TRA2A: variants seen among roughly 807,000 people sequenced by gnomAD.
The protein encoded by TRA2A is transformer-2 protein homolog alpha.
In TRA2A, 31 loss-of-function variants were observed where a neutral mutation model predicts 45.7. The ratio of observed to expected loss-of-function variants is 0.68; its 90% confidence interval spans 0.51 to 0.92. The LOEUF (loss-of-function observed/expected upper bound fraction) is 0.92. Ranked by LOEUF, TRA2A falls within the 40% of genes least tolerant of loss-of-function variation. TRA2A has a pLI of 0.00. For synonymous variants in TRA2A, 132 were observed against 126.2 expected (o/e 1.05, Z -0.31); for missense variants, 304 against 367.5 (o/e 0.83, Z 1.41).
At chr7:23,531,611 T>C (rs1210703005) in intron 1 of TRA2A, 178 bp downstream of exon 1, 33 of 645,792 alleles carry the variant, frequency 5.1e-5, no homozygotes, top group Non-Finnish European at 2.7e-5. Flanking sequence ...GTGTTATCCG[T>C]GGTGTTTGGG....
Position 23,506,310 on chromosome 7 carries a change from T to A in TRA2A, c.642-44A>T, listed in dbSNP as rs1420887410. Reference sequence around the variant, plus strand: ...ATTCTCCATTAGTGTGAATGACTATTTTCCAGGACACTTTAATACAAATTG... The same window carrying A: ...ATTCTCCATTAGTGTGAATGACTATATTCCAGGACACTTTAATACAAATTG... On this transcript the variant is annotated intron_variant, in intron 5 of 7. Coordinates refer to ENST00000297071, the MANE Select transcript of TRA2A (RefSeq NM_013293.5). 6 of 1,530,194 alleles carry A rather than the reference T, an allele frequency of 3.9e-6. No homozygotes were observed. The Admixed American group carries it at 1.1e-4, about 27-fold the overall frequency. 94.8% of individuals were successfully genotyped at this position (1,530,194 alleles called of 1,614,324 possible).
At chr7:23,519,283 A>G (rs1197860782) in intron 2 of TRA2A, among the ~76,000 whole-genome samples, 2 of 151,940 alleles carry the variant, frequency 1.3e-5, no homozygotes, top group African/African-American at 2.4e-5. Flanking sequence ...AATCCCAGCT[A>G]CTCGGGAGGC....
intron 5 of TRA2A, 75 bp downstream of exon 5, chr7:23,507,345 G>T (rs1332110483): frequency 1.7e-6 from 2 of 1,198,512 alleles, no homozygotes; most frequent in South Asian, 1.3e-5. Context: ...TAGGAAAAAA[G>T]TTTCTGAGTA....
At chr7:23,515,893 G>A (rs747874642) in intron 3 of TRA2A, among the ~76,000 whole-genome samples, 5 of 151,150 alleles carry the variant, frequency 3.3e-5, no homozygotes, top group African/African-American at 7.3e-5. Context: ...ATATACTCCC[G>A]GCCAGGCATG....
intron 1 of TRA2A, among the ~76,000 whole-genome samples, chr7:23,524,658 C>T (rs1790267645): frequency 6.6e-6 from 1 of 151,410 alleles, no homozygotes. Flanking sequence ...CTGTCTCTAA[C>T]TCCTAGCTAC....
intron 3 of TRA2A, among the ~76,000 whole-genome samples, chr7:23,514,804 A>C (rs1208494217): frequency 6.6e-6 from 1 of 152,202 alleles, no homozygotes; most frequent in Non-Finnish European, 1.5e-5. Context: ...TGTTCCCACA[A>C]TCCAGATTTT....
intron 3 of TRA2A, among the ~76,000 whole-genome samples, chr7:23,514,377 G>C (rs1050750809): frequency 5.3e-5 from 8 of 152,000 alleles, no homozygotes; most frequent in African/African-American, 1.9e-4. Context: ...TTGCTTCTAA[G>C]AGAAATTATT....
At chr7:23,517,006 G>A (rs921122182) in intron 2 of TRA2A, among the ~76,000 whole-genome samples, 1 of 152,240 alleles carries the variant, frequency 6.6e-6, no homozygotes, top group Non-Finnish European at 1.5e-5. Flanking sequence ...TACTTGGGAG[G>A]CTGAGGCAGG....
chr7:23,507,368 C>G, intron 5 of TRA2A, 52 bp downstream of exon 5: 2 of 1,458,708 alleles, frequency 1.4e-6, no homozygotes, highest in South Asian at 2.3e-5. Flanking sequence ...CAAAATTTTG[C>G]ACATATTTCT....
chr7:23,529,561 A>G (rs1195535084), intron 1 of TRA2A, among the ~76,000 whole-genome samples: 1 of 152,194 alleles, frequency 6.6e-6, no homozygotes, highest in African/African-American at 2.4e-5. Flanking sequence ...GCGCCCGGCC[A>G]GAAACGATTT....
chr7:23,518,981 C>A (rs1790012761), intron 2 of TRA2A, among the ~76,000 whole-genome samples: 1 of 152,252 alleles, frequency 6.6e-6, no homozygotes, highest in South Asian at 2.1e-4. Context: ...AGCCACCACA[C>A]TCAGCCTAAG....
At position 23,521,721 on chromosome 7, in the gene TRA2A, T is replaced by C; in HGVS notation, c.156A>G (p.Ser52=). 6.2e-7 allele frequency: 1 copy of C among 1,614,150 alleles called. No individual in the cohort carries two copies. Among genetic ancestry groups the C allele is most frequent in the Non-Finnish European group, 8.5e-7 (1 of 1,180,008 alleles). The change falls in exon 2 of 8, where the codon TCA becomes TCG. Residue 52 remains serine (S), a synonymous_variant. Coordinates refer to ENST00000297071, the MANE Select transcript of TRA2A (RefSeq NM_013293.5). ...VSKHSESHSR[S]RSKSRSRSRR... is the part of the protein sequence containing the mutation. The stretch of plus-strand genomic sequence containing the variant: ...AACACACTTACCTGGATTTTGATCT[T>C]GATCGAGAATGGGATTCAGAGTGTT...
intron 4 of TRA2A, among the ~76,000 whole-genome samples, chr7:23,508,213 A>C (rs893157196): frequency 6.6e-6 from 1 of 150,770 alleles, no homozygotes; most frequent in Non-Finnish European, 1.5e-5. Context: ...AATAAAAACT[A>C]CACAATTTTT....
At chr7:23,531,601 G>T (rs575199387) in intron 1 of TRA2A, 188 bp downstream of exon 1, 155 of 628,508 alleles carry the variant, frequency 2.5e-4, no homozygotes, top group Non-Finnish European at 2.5e-5. Flanking sequence ...AGGGGGAGGG[G>T]TGTTATCCGT....
Position 23,531,933 on chromosome 7 carries a change from C to T in TRA2A, c.-109G>A, listed in dbSNP as rs1219222114. 4.0e-6 allele frequency: 5 copies of T among 1,252,664 alleles called. No homozygotes were observed. The highest frequency in any genetic ancestry group is 5.7e-6 in the Non-Finnish European group (5 of 875,318). 77.6% of individuals were successfully genotyped at this position (1,252,664 alleles called of 1,614,324 possible). On this transcript the variant is annotated 5_prime_UTR_variant, in exon 1 of 8. Coordinates refer to ENST00000297071, the MANE Select transcript of TRA2A (RefSeq NM_013293.5). ...GTGGGGAAGAGGAAAGAGTCGGCAA[C>T]CACAGCCGCTCCACTCCACTCCCAC...
chr7:23,512,680 G>T (rs1040682476), intron 4 of TRA2A, among the ~76,000 whole-genome samples: 2 of 151,084 alleles, frequency 1.3e-5, no homozygotes, highest in Non-Finnish European at 2.9e-5. Flanking sequence ...GGATAGTCTC[G>T]ATCTCCTGAC....
chr7:23,515,950 G>C (rs1789848166), intron 3 of TRA2A, among the ~76,000 whole-genome samples: 2 of 151,878 alleles, frequency 1.3e-5, no homozygotes, highest in South Asian at 4.1e-4. Flanking sequence ...CAAGGCAGGT[G>C]GATCACCTGA....
intron 4 of TRA2A, among the ~76,000 whole-genome samples, chr7:23,507,919 A>C (rs1789417834): frequency 6.6e-6 from 1 of 152,210 alleles, no homozygotes; most frequent in Non-Finnish European, 1.5e-5. Flanking sequence ...TTTTCAAGCT[A>C]AATTTTTTGT....
intron 6 of TRA2A, 53 bp from the exon 7 acceptor site, chr7:23,505,866 A>G (rs980510325): frequency 3.5e-6 from 4 of 1,130,136 alleles, no homozygotes; most frequent in Non-Finnish European, 5.0e-6. Context: ...CCACTGAGGC[A>G]GATGAAAATA....
Sources: allele counts gnomAD v4.1 joint callset (sites outside exome capture counted in the v4.1 genomes callset), GRCh38; gene constraint gnomAD v4.1.1; transcripts MANE v1.5; gene names NCBI Gene and HGNC (gene_info 2026-07-23, HGNC 2026-07-21).